Variants in ANKRD30B observed in about 807,000 individuals in gnomAD.
ANKRD30B encodes the protein ankyrin repeat domain-containing protein 30B.
In ANKRD30B, 144 loss-of-function variants were observed where a neutral mutation model predicts 202.2. That is an observed-to-expected ratio of 0.71 (90% CI 0.62 to 0.82). The LOEUF (loss-of-function observed/expected upper bound fraction) is 0.82. ANKRD30B is among the 40% of genes least tolerant of loss of function. The pLI, the probability that ANKRD30B is intolerant of heterozygous loss-of-function variation, is 0.00. For synonymous variants in ANKRD30B, 508 were observed against 561.3 expected, an observed-to-expected ratio of 0.91 and a Z score of 1.34; for missense variants, 1,487 against 1,669.1, an observed-to-expected ratio of 0.89 and a Z score of 1.90.
chr18:14,815,931 G>T (rs748109544), intron 30 of ANKRD30B, among the ~76,000 whole-genome samples: 11 of 152,050 alleles, frequency 7.2e-5, no homozygotes, highest in Non-Finnish European at 8.8e-5. Context: ...AAAATTAGTG[G>T]ATATTTATAT....
intron 34 of ANKRD30B, 72 bp from the exon 35 acceptor site, chr18:14,837,138 AG>A: frequency 1.2e-6 from 1 of 866,030 alleles, no homozygotes; most frequent in Non-Finnish European, 1.8e-6. Flanking sequence ...AAATTGATTG[AG>A]TGAGTGAATA....
chr18:14,934,941 CACACACA>C, the ANKRD30B span, among the ~76,000 whole-genome samples: 9 of 151,176 alleles, frequency 6.0e-5, no homozygotes, highest in African/African-American at 2.0e-4. Flanking sequence ...CACACACACA[CACACACA>C]CCCCATCGTG....
chr18:14,759,901 A>T (rs1380113948), intron 5 of ANKRD30B, among the ~76,000 whole-genome samples: 1 of 151,986 alleles, frequency 6.6e-6, no homozygotes, highest in Non-Finnish European at 1.5e-5. Flanking sequence ...CACTTTTTTT[A>T]AAAAAATTAA....
chr18:14,832,238 C>G (rs55963706), intron 34 of ANKRD30B, among the ~76,000 whole-genome samples: 1 of 151,916 alleles, frequency 6.6e-6, no homozygotes, highest in Non-Finnish European at 1.5e-5. Flanking sequence ...TGTAAATTCT[C>G]TTTCTCAGAA....
intron 24 of ANKRD30B, among the ~76,000 whole-genome samples, chr18:14,807,044 A>G (rs1969566372): frequency 6.6e-6 from 1 of 151,092 alleles, no homozygotes; most frequent in Non-Finnish European, 1.5e-5. Flanking sequence ...TACCTGCAAC[A>G]CGGTCATGCA....
chr18:14,756,184 T>C (rs1458075918), intron 4 of ANKRD30B, among the ~76,000 whole-genome samples: 1 of 152,264 alleles, frequency 6.6e-6, no homozygotes, highest in Non-Finnish European at 1.5e-5. Flanking sequence ...ATGTGTCTTT[T>C]GGCTGCATAA....
At chr18:14,897,855 A>G in the ANKRD30B span, among the ~76,000 whole-genome samples, 1 of 152,162 alleles carries the variant, frequency 6.6e-6, no homozygotes, top group Non-Finnish European at 1.5e-5. Flanking sequence ...TTTTTCTTCA[A>G]TTTAACTTTT....
At chr18:14,753,294 G>A (rs1166969038) in intron 3 of ANKRD30B, among the ~76,000 whole-genome samples, 1 of 151,706 alleles carries the variant, frequency 6.6e-6, no homozygotes, top group African/African-American at 2.4e-5. Context: ...TCCAATTAGT[G>A]TAAAACTACA....
intron 42 of ANKRD30B, 94 bp downstream of exon 42, chr18:14,852,514 A>G (rs1971936427): frequency 2.9e-6 from 4 of 1,379,210 alleles, no homozygotes; most frequent in East Asian, 5.1e-5. Context: ...ATATATATAA[A>G]TAGATGATAA....
chr18:14,913,298 G>A, the ANKRD30B span, among the ~76,000 whole-genome samples: 1 of 152,076 alleles, frequency 6.6e-6, no homozygotes, highest in Non-Finnish European at 1.5e-5. Context: ...ACAGCAGCTG[G>A]CCAGTCCCTG....
chr18:14,888,195 G>A, the ANKRD30B span, among the ~76,000 whole-genome samples: 1 of 151,820 alleles, frequency 6.6e-6, no homozygotes, highest in Non-Finnish European at 1.5e-5. Context: ...AGTTTAAGTA[G>A]ATTATAATTT....
chr18:14,839,404 A>C (rs1369128212), intron 36 of ANKRD30B, among the ~76,000 whole-genome samples: 1 of 152,180 alleles, frequency 6.6e-6, no homozygotes, highest in Non-Finnish European at 1.5e-5. Flanking sequence ...CATTCTGAAC[A>C]GAGAGGGCAG....
At chr18:14,851,251 T>TC (rs58070434) in intron 41 of ANKRD30B, among the ~76,000 whole-genome samples, 1 of 151,480 alleles carries the variant, frequency 6.6e-6, no homozygotes, top group African/African-American at 2.4e-5. Context: ...TTTTTTTTTT[T>TC]CAATTCTGAG....
chr18:14,887,286 G>A, the ANKRD30B span, among the ~76,000 whole-genome samples: 2 of 152,032 alleles, frequency 1.3e-5, no homozygotes, highest in Non-Finnish European at 2.9e-5. Flanking sequence ...GTTGGGCATT[G>A]TGCTCTTGCA....
chr18:14,925,960 G>A, the ANKRD30B span, among the ~76,000 whole-genome samples: 1 of 152,168 alleles, frequency 6.6e-6, no homozygotes, highest in Non-Finnish European at 1.5e-5. Context: ...GCTCACAAAA[G>A]GTGACTTTGT....
At chr18:14,880,356 C>G in the ANKRD30B span, among the ~76,000 whole-genome samples, 4 of 152,114 alleles carry the variant, frequency 2.6e-5, no homozygotes, top group African/African-American at 7.2e-5. Context: ...CTTGGTCTGG[C>G]TACATGGCTT....
chr18:14,921,928 C>T, the ANKRD30B span, among the ~76,000 whole-genome samples: 9,927 of 152,204 alleles, frequency 0.065, 644 homozygotes, highest in East Asian at 0.34. Flanking sequence ...ATGGTCCTCC[C>T]TGCCAGACAC....
rs184066067 is a variant in ANKRD30B at position 14,748,300 on chromosome 18, G to A, written c.-120G>A. 2 of 775,880 alleles carry A rather than the reference G, an allele frequency of 2.6e-6. No individual in the cohort carries two copies. The highest frequency in any genetic ancestry group is 3.9e-6 in the Non-Finnish European group (2 of 513,290). 48.1% of individuals were successfully genotyped at this position (775,880 alleles called of 1,614,324 possible). ...TGGGGCGGGTGCGGGAACTGAAGAC[G>A]GGCGAGTGCGAGCCGGGGGCGGGTG... is the stretch of plus-strand genomic sequence containing the variant. On this transcript the variant is annotated 5_prime_UTR_variant, in exon 1 of 44. Coordinates refer to ENST00000690538, the MANE Select transcript of ANKRD30B (RefSeq NM_001367607.2).
chr18:14,809,519 A>C lies in ANKRD30B; in HGVS notation c.2387-467A>C, dbSNP rs148019611. On this transcript the variant is annotated intron_variant, in intron 26 of 43. Coordinates refer to ENST00000690538, the MANE Select transcript of ANKRD30B (RefSeq NM_001367607.2). The stretch of plus-strand genomic sequence containing the variant: ...ATGAGGGCGTTCATAGCACTATCTT[A>C]TCCATATGGACAGGCACCCCCCATG... Among the ~76,000 whole-genome samples, 24 of 150,892 alleles carry C rather than the reference A, an allele frequency of 1.6e-4. 2 individuals are homozygous for C. The highest frequency in any genetic ancestry group is 7.4e-5 in the Non-Finnish European group (5 of 67,730).
Sources: gnomAD v4.1 joint callset for allele counts (sites outside exome capture counted in the v4.1 genomes callset) on GRCh38, gnomAD v4.1.1 for gene constraint, MANE v1.5 for transcripts, NCBI Gene and HGNC (gene_info 2026-07-23, HGNC 2026-07-21) for gene names.